The following CECR2 variants were observed in gnomAD, a reference collection of about 807,000 sequenced individuals.
CECR2 encodes chromatin remodeling regulator CECR2.
Under a neutral mutation model 154.5 loss-of-function variants are expected in CECR2, and 30 were observed. The ratio of observed to expected loss-of-function variants is 0.19; its 90% confidence interval spans 0.15 to 0.26. The LOEUF is 0.26. Ranked by LOEUF, CECR2 falls within the 10% of genes least tolerant of loss-of-function variation. The probability of loss-of-function intolerance (pLI) is 1.00; values close to 1 mark genes in which losing one functional copy is unlikely to be tolerated. For synonymous variants in CECR2, 725 were observed against 683.7 expected, an observed-to-expected ratio of 1.06 and a Z score of -0.94; for missense variants, 1,743 against 1,829.3, an observed-to-expected ratio of 0.95 and a Z score of 0.86.
At chr22:17,524,381 CA>C (rs1377388294) in intron 9 of CECR2, 110 bp downstream of exon 9, 2 of 670,094 alleles carry the variant, frequency 3.0e-6, no homozygotes, top group African/African-American at 2.3e-5. Context: ...TTGTTTCCGG[CA>C]ATTTCTTTTT....
chr22:17,360,770 A>G (rs1198817211), intron 1 of CECR2, among the ~76,000 whole-genome samples: 1 of 151,156 alleles, frequency 6.6e-6, no homozygotes, highest in Non-Finnish European at 1.5e-5. Context: ...ACTTGAACCC[A>G]GGAGGTGGAG....
intron 1 of CECR2, among the ~76,000 whole-genome samples, chr22:17,456,853 T>G (rs1196714272): frequency 6.6e-6 from 1 of 152,226 alleles, no homozygotes; most frequent in Non-Finnish European, 1.5e-5. Flanking sequence ...GTTACTCTTC[T>G]ACATCTGGGG....
rs1647721371 is a variant in CECR2, at chr22:17,554,525, A to G, written c.*1685A>G. ...CCATGATACAGAGAAATGAAAGCCA[A>G]GACACCAGTTCCAGGATGATGGAAG... On this transcript the variant is annotated 3_prime_UTR_variant, in exon 19 of 19. Transcript: ENST00000262608. The G allele has an allele frequency of 6.6e-6, 1 of 152,230 alleles. No individual in the cohort carries two copies. Among genetic ancestry groups the G allele is most frequent in the Non-Finnish European group, 1.5e-5 (1 of 68,046 alleles). The allele number at this position is 152,230 out of a possible 1,614,324, so 9.4% of individuals were successfully genotyped here.
At chr22:17,537,273 T>C in intron 10 of CECR2, 41 bp downstream of exon 10, 1 of 1,609,812 alleles carries the variant, frequency 6.2e-7, no homozygotes, top group South Asian at 1.1e-5. Context: ...TAGCAACTGG[T>C]AGCATTTATG....
In CECR2 at chr22:17,524,173, A is replaced by G. The variant is rs1294520932; in HGVS notation, c.1010A>G (p.Glu337Gly). 1.9e-6 allele frequency: 3 copies of G among 1,606,850 alleles called. No individual in the cohort carries two copies. The highest frequency in any genetic ancestry group is 2.5e-6 in the Non-Finnish European group (3 of 1,176,664). The change falls in exon 9 of 19, where the codon GAG becomes GGG. Residue 337 changes from glutamate to glycine, a missense_variant. Physicochemically the swap from Glu to Gly is moderately conservative, Grantham distance 98. Transcript: ENST00000262608. ...EKQKRKEEEE[E>G]RQILLAVQKK... ...CAAAAGCGCAAAGAGGAGGAAGAAGAGCGTCAGATTCTTCTAGCAGTGCAG... is the reference window on the plus strand; with the variant it reads ...CAAAAGCGCAAAGAGGAGGAAGAAGGGCGTCAGATTCTTCTAGCAGTGCAG...
In CECR2 at chr22:17,497,585, A is replaced by G; in HGVS notation, c.404A>G (p.Lys135Arg). 1.2e-6 allele frequency: 2 copies of G among 1,613,600 alleles called. No homozygotes were observed. The highest frequency in any genetic ancestry group is 1.7e-6 in the Non-Finnish European group (2 of 1,179,538). ...GCAGACGATGTCTTCGATCTTCTAAAGGTATGCTTAACTGGCGAACCTTTC... is the reference window on the plus strand; with the variant it reads ...GCAGACGATGTCTTCGATCTTCTAAGGGTATGCTTAACTGGCGAACCTTTC... The part of the protein sequence containing the change: ...LDADDVFDLL[K>R]GLDADSLRVE... The change falls in exon 3 of 19, where the codon AAG becomes AGG. Residue 135 changes from lysine to arginine, a missense_variant and splice_region_variant. Around this residue, in one of 4 missense-constraint regions of CECR2, gnomAD observed 98 missense variants for 169.3 expected, o/e 0.58. Transcript: ENST00000262608.
chr22:17,473,321 A>C (rs987267584), intron 1 of CECR2, among the ~76,000 whole-genome samples: 1 of 152,216 alleles, frequency 6.6e-6, no homozygotes, highest in African/African-American at 2.4e-5. Flanking sequence ...AAGGAAATAC[A>C]AAAGAGGAGG....
At chr22:17,384,291 C>G (rs1601258462) in intron 1 of CECR2, among the ~76,000 whole-genome samples, 1 of 152,162 alleles carries the variant, frequency 6.6e-6, no homozygotes, top group African/African-American at 2.4e-5. Context: ...GCTGTGTTGC[C>G]CAGACTGGTC....
At chr22:17,504,783 G>T in intron 6 of CECR2, 64 bp from the exon 7 acceptor site, 1 of 1,455,746 alleles carries the variant, frequency 6.9e-7, no homozygotes, top group South Asian at 1.2e-5. Context: ...AAACAAAATT[G>T]AGAATAAATA....
In CECR2 at chr22:17,524,325, C is replaced by A. The variant is rs368913946; in HGVS notation, c.1108+54C>A. On this transcript the variant is annotated intron_variant, in intron 9 of 18. Coordinates refer to ENST00000262608, the MANE Select transcript of CECR2 (RefSeq NM_001290047.2). ...AGGTGCATGTCTGTCGACCAGCCGT[C>A]CTGTAGCCAGAGCCAACTCAAGCTA... 1.9e-6 allele frequency: 3 copies of A among 1,588,910 alleles called. No homozygotes were observed. The African/African-American group carries it at 4.1e-5, about 22-fold the overall frequency.
chr22:17,433,788 G>T (rs2054462486), intron 1 of CECR2, among the ~76,000 whole-genome samples: 1 of 152,134 alleles, frequency 6.6e-6, no homozygotes, highest in African/African-American at 2.4e-5. Flanking sequence ...AAATACAGTT[G>T]AATGCATTAT....
At chr22:17,398,022 G>A (rs994031410) in intron 1 of CECR2, among the ~76,000 whole-genome samples, 1 of 152,082 alleles carries the variant, frequency 6.6e-6, no homozygotes, top group African/African-American at 2.4e-5. Flanking sequence ...CTTGCATGGG[G>A]AGGAACAAGC....
chr22:17,431,941 C>CA (rs200067703), intron 1 of CECR2, among the ~76,000 whole-genome samples: 1 of 152,194 alleles, frequency 6.6e-6, no homozygotes, highest in Non-Finnish European at 1.5e-5. Context: ...ACACTCCACT[C>CA]ACGTTTTTCC....
In CECR2 at chr22:17,364,362, A is replaced by AAAAAG. The variant is rs1491212019; in HGVS notation, c.-364+4339_-364+4340insAAAAG. 1.4e-4 allele frequency among the ~76,000 whole-genome samples: 19 copies of AAAAAG among 133,428 alleles called. 4 individuals carry two copies. Among genetic ancestry groups the AAAAAG allele is most frequent in the African/African-American group, 4.3e-4 (13 of 30,344 alleles). The allele number at this position is 133,428 out of a possible 152,430, so 87.5% of individuals were successfully genotyped here. ...TGTCTCAAAAAAAAAAAAAAAAAAA[A>AAAAAG]GAATTTGTGCCATACTTGGGCTTAG... On this transcript the variant is annotated intron_variant, in intron 1 of 18. Transcript: ENST00000400585.
chr22:17,543,831 T>G (rs1347301561), intron 16 of CECR2, among the ~76,000 whole-genome samples: 1 of 152,192 alleles, frequency 6.6e-6, no homozygotes. Flanking sequence ...AGTGCTAGGA[T>G]TACAGGCATG....
intron 1 of CECR2, among the ~76,000 whole-genome samples, chr22:17,425,557 AC>A (rs763944964): frequency 7.2e-5 from 11 of 152,234 alleles, no homozygotes; most frequent in Non-Finnish European, 1.6e-4. Context: ...CTGAGCAAAT[AC>A]ATCTAAATGA....
rs575881799 is a variant in CECR2, at chr22:17,442,362, T to C, written c.127-35226T>C. Among the ~76,000 whole-genome samples, 3 of 152,250 alleles carry C rather than the reference T, an allele frequency of 2.0e-5. No individual in the cohort carries two copies. The South Asian group carries it at 6.2e-4, about 32-fold the overall frequency. On this transcript the variant is annotated intron_variant, in intron 1 of 18. Transcript: ENST00000262608. ...GAGAGGATAGCTTGAGGCTAGGAGTTCTGGAGCAGCCTGAGCAACATAGCG... is the reference window on the plus strand; with the variant it reads ...GAGAGGATAGCTTGAGGCTAGGAGTCCTGGAGCAGCCTGAGCAACATAGCG...
At chr22:17,361,673 G>C (rs1047164823) in intron 1 of CECR2, among the ~76,000 whole-genome samples, 1 of 151,818 alleles carries the variant, frequency 6.6e-6, no homozygotes, top group South Asian at 2.1e-4. Flanking sequence ...CGGGGGCTGG[G>C]GGGAGGTTGC....
intron 9 of CECR2, among the ~76,000 whole-genome samples, chr22:17,531,601 T>C (rs2056356238): frequency 6.6e-6 from 1 of 152,220 alleles, no homozygotes; most frequent in African/African-American, 2.4e-5. Context: ...ATGTGTTCAC[T>C]GTAAGTTCTA....
Sources: gnomAD v4.1 joint callset for allele counts (sites outside exome capture counted in the v4.1 genomes callset) on GRCh38, gnomAD v4.1.1 for gene constraint, gnomAD v4.1.1 regional missense constraint, MANE v1.5 for transcripts, NCBI Gene and HGNC (gene_info 2026-07-23, HGNC 2026-07-21) for gene names.